Variants in RICTOR observed in about 807,000 individuals in gnomAD.
The protein encoded by RICTOR is RPTOR independent companion of MTOR complex 2, also known as rapamycin-insensitive companion of mTOR.
A neutral mutation model predicts 214.9 loss-of-function variants in RICTOR; 49 were observed. The ratio of observed to expected loss-of-function variants is 0.23; its 90% confidence interval spans 0.18 to 0.29. The LOEUF is 0.29. Ranked by LOEUF, RICTOR falls within the 10% of genes least tolerant of loss-of-function variation. The pLI, the probability that RICTOR is intolerant of heterozygous loss-of-function variation, is 1.00. For missense variants in RICTOR, 1,625 were observed against 2,047.0 expected, an observed-to-expected ratio of 0.79 and a Z score of 3.98; for synonymous variants, 717 against 711.3, an observed-to-expected ratio of 1.01 and a Z score of -0.13.
intron 5 of RICTOR, among the ~76,000 whole-genome samples, chr5:39,001,777 C>T (rs1372699128): frequency 6.6e-6 from 1 of 152,018 alleles, no homozygotes; most frequent in Non-Finnish European, 1.5e-5. Flanking sequence ...CATCATCACT[C>T]ACCGGGGAAC....
intron 2 of RICTOR, among the ~76,000 whole-genome samples, chr5:39,062,769 T>A (rs185582936): frequency 6.6e-6 from 1 of 152,254 alleles, no homozygotes; most frequent in Admixed American, 6.5e-5. Flanking sequence ...TTTCACTGGA[T>A]TAAATGCAAG....
At chr5:38,942,751 C>T (rs1278399639) in intron 37 of RICTOR, 82 bp downstream of exon 37, 1 of 1,152,402 alleles carries the variant, frequency 8.7e-7, no homozygotes, top group Non-Finnish European at 1.3e-6. Flanking sequence ...TCACCACACC[C>T]AGCTATAATC....
intron 10 of RICTOR, among the ~76,000 whole-genome samples, chr5:38,973,148 G>A (rs984159127): frequency 6.6e-6 from 1 of 152,076 alleles, no homozygotes; most frequent in South Asian, 2.1e-4. Context: ...ACTTTCTGGG[G>A]CAATGATAAT....
At position 38,950,067 on chromosome 5, in the gene RICTOR, T is replaced by C; in HGVS notation, c.3781A>G (p.Thr1261Ala). Reference protein sequence around the residue: ...DCGSMSTVVSTKTIKTSHYLT... With the variant: ...DCGSMSTVVSAKTIKTSHYLT... Reference sequence around the variant, plus strand: ...TAGTGGCTTGTCTTAATAGTTTTAGTACTTACCACAGTACTCATGCTTCCA... The same window carrying C: ...TAGTGGCTTGTCTTAATAGTTTTAGCACTTACCACAGTACTCATGCTTCCA... Residue 1261 changes from threonine (T) to alanine (A), a missense_variant, in exon 31 of 38, where the codon ACT (threonine) becomes GCT (alanine). By Grantham distance (58) the Thr-to-Ala change is moderately conservative. Transcript: ENST00000357387. 1 of 1,613,138 alleles carries C rather than the reference T, an allele frequency of 6.2e-7. No individual in the cohort carries two copies. Among genetic ancestry groups the C allele is most frequent in the Non-Finnish European group, 8.5e-7 (1 of 1,179,598 alleles).
intron 2 of RICTOR, among the ~76,000 whole-genome samples, chr5:39,040,720 CTATAA>C (rs1247740189): frequency 2.0e-5 from 3 of 151,910 alleles, no homozygotes; most frequent in Non-Finnish European, 2.9e-5. Flanking sequence ...TAAATCTATA[CTATAA>C]AAGACAGTTA....
chr5:39,021,206 C>T, intron 2 of RICTOR, 70 bp from the exon 3 acceptor site: 2 of 870,718 alleles, frequency 2.3e-6, no homozygotes, highest in Non-Finnish European at 4.0e-6. Flanking sequence ...ATAAAACATG[C>T]AGTATTAAAA....
intron 2 of RICTOR, among the ~76,000 whole-genome samples, chr5:39,044,287 G>GA (rs1180974298): frequency 6.6e-6 from 1 of 151,688 alleles, no homozygotes; most frequent in African/African-American, 2.4e-5. Context: ...AAGCAAGAAC[G>GA]AAAAAAAATT....
intron 37 of RICTOR, 24 bp from the exon 38 acceptor site, chr5:38,942,402 C>A: frequency 6.8e-7 from 1 of 1,465,366 alleles, no homozygotes; most frequent in Non-Finnish European, 9.5e-7. Flanking sequence ...GGTGTATCAT[C>A]AATTACTTTT....
At chr5:38,966,484 T>C (rs1053434408) in intron 15 of RICTOR, among the ~76,000 whole-genome samples, 157 bp downstream of exon 15, 14 of 152,256 alleles carry the variant, frequency 9.2e-5, no homozygotes, top group African/African-American at 3.4e-4. Flanking sequence ...TATCTCAGGA[T>C]ACAGTACCAA....
At chr5:38,958,144 G>A (rs544672328) in intron 24 of RICTOR, among the ~76,000 whole-genome samples, 1 of 152,152 alleles carries the variant, frequency 6.6e-6, no homozygotes, top group South Asian at 2.1e-4. Flanking sequence ...GGCTGAGGCA[G>A]GAGAATCACT....
chr5:39,003,533 G>C (rs201588638), intron 4 of RICTOR, 25 bp downstream of exon 4: 3 of 1,477,176 alleles, frequency 2.0e-6, no homozygotes, highest in African/African-American at 1.4e-5. Context: ...GAAAGGGATG[G>C]GAGGGGGGAA....
At chr5:38,945,944 G>T (rs1443582008) in intron 33 of RICTOR, among the ~76,000 whole-genome samples, 1 of 152,040 alleles carries the variant, frequency 6.6e-6, no homozygotes, top group African/African-American at 2.4e-5. Flanking sequence ...ATGGAAAATT[G>T]AGATTATATA....
intron 3 of RICTOR, among the ~76,000 whole-genome samples, chr5:39,017,676 G>GA (rs1293882440): frequency 6.6e-6 from 1 of 151,754 alleles, no homozygotes; most frequent in East Asian, 1.9e-4. Flanking sequence ...TCTAGCTATA[G>GA]AAAAAAACCT....
chr5:39,002,510 A>T, intron 5 of RICTOR, 25 bp downstream of exon 5: 1 of 1,553,080 alleles, frequency 6.4e-7, no homozygotes, highest in South Asian at 1.2e-5. Context: ...TTTCAAAAAT[A>T]TATAAACAAG....
At chr5:38,961,212 G>A (rs1317967166) in intron 19 of RICTOR, among the ~76,000 whole-genome samples, 1 of 151,892 alleles carries the variant, frequency 6.6e-6, no homozygotes, top group African/African-American at 2.4e-5. Flanking sequence ...TAAAGGAGAA[G>A]AAAGATGCTA....
At chr5:38,947,157 G>T in intron 32 of RICTOR, 107 bp downstream of exon 32, 1 of 756,872 alleles carries the variant, frequency 1.3e-6, no homozygotes, top group Non-Finnish European at 2.2e-6. Context: ...AAATCATGCT[G>T]CCCCAAACTG....
At chr5:38,979,218 C>T (rs6898734) in intron 8 of RICTOR, among the ~76,000 whole-genome samples, 151,072 of 152,260 alleles carry the variant, frequency 0.99, 74,963 homozygotes, top group Middle Eastern at 1. Flanking sequence ...GGTGTGATCA[C>T]AGCTTACTGC....
At chr5:38,995,892 C>T (rs1050373035) in intron 6 of RICTOR, among the ~76,000 whole-genome samples, 2 of 152,058 alleles carry the variant, frequency 1.3e-5, no homozygotes, top group Admixed American at 6.6e-5. Flanking sequence ...CATTCTTAGT[C>T]GAATTTCAAA....
At chr5:39,055,346 T>C (rs1758129531) in intron 2 of RICTOR, among the ~76,000 whole-genome samples, 1 of 152,012 alleles carries the variant, frequency 6.6e-6, no homozygotes, top group South Asian at 2.1e-4. Flanking sequence ...CTTGAAGACT[T>C]TCCTCCCTTA....
Sources: allele counts gnomAD v4.1 joint callset (sites outside exome capture counted in the v4.1 genomes callset), GRCh38; gene constraint gnomAD v4.1.1; transcripts MANE v1.5; gene names NCBI Gene and HGNC (gene_info 2026-07-23, HGNC 2026-07-21).